CEACAM4: variants seen among roughly 807,000 people sequenced by gnomAD.
The protein encoded by CEACAM4 is cell adhesion molecule CEACAM4.
In CEACAM4, 30 loss-of-function variants were observed where a neutral mutation model predicts 28.7. The observed-to-expected ratio is 1.05, with a 90% confidence interval of 0.78 to 1.42. The LOEUF is 1.42. Among genes scored for constraint, CEACAM4 ranks in the 40% most tolerant of loss-of-function variants. CEACAM4 has a pLI of 0.00. For synonymous variants in CEACAM4, 143 were observed against 126.5 expected, an observed-to-expected ratio of 1.13 and a Z score of -0.87; for missense variants, 330 against 308.2, an observed-to-expected ratio of 1.07 and a Z score of -0.53.
intron 2 of CEACAM4, among the ~76,000 whole-genome samples, chr19:41,623,681 C>G (rs369609861): frequency 5.9e-5 from 9 of 152,052 alleles, no homozygotes; most frequent in Non-Finnish European, 1.0e-4. Flanking sequence ...TTCCCACCCC[C>G]CTCAGTCAGT....
chr19:41,620,460 C>T (rs117009446), intron 4 of CEACAM4, 115 bp downstream of exon 4: 33,662 of 961,526 alleles, frequency 0.035, 762 homozygotes, highest in Non-Finnish European at 0.041. Flanking sequence ...TGTTTCCTGA[C>T]ATCCTCCTTG....
chr19:41,615,175 T>C (rs10411697), downstream of CEACAM4, among the ~76,000 whole-genome samples: 593 of 152,100 alleles, frequency 3.9e-3, 7 homozygotes, highest in African/African-American at 0.014. Flanking sequence ...GTTATGTGTG[T>C]CTGTCCCAGT....
intron 2 of CEACAM4, among the ~76,000 whole-genome samples, chr19:41,623,419 A>ATTTTTTTTTTTTT (rs57004828): frequency 9.5e-6 from 1 of 105,058 alleles, no homozygotes; most frequent in Non-Finnish European, 2.0e-5. Context: ...TTCGAACTGC[A>ATTTTTTTTTTTTT]TTTTTTTTTT....
chr19:41,621,667 G>A lies in CEACAM4; in HGVS notation c.526C>T (p.Leu176Phe), dbSNP rs1555801572. ...LVAALVCFLLLSRTGRASIQR... is the reference protein window; with the variant it reads ...LVAALVCFLLFSRTGRASIQR... ...CTGCGGTACCTTCCAGTCCTGGAGA[G>A]AAGCAGAAAACACACCAGGGCGGCC... Residue 176 changes from leucine to phenylalanine, a missense_variant, in exon 3 of 7, where the codon CTC becomes TTC. Transcript: ENST00000221954. The A allele has an allele frequency of 6.2e-7, 1 of 1,601,852 alleles. No homozygotes were observed. The highest frequency in any genetic ancestry group is 8.6e-7 in the Non-Finnish European group (1 of 1,168,870).
intron 2 of CEACAM4, among the ~76,000 whole-genome samples, chr19:41,621,979 A>G (rs1181754425): frequency 1.3e-5 from 2 of 151,318 alleles, no homozygotes; most frequent in Non-Finnish European, 3.0e-5. Context: ...GGATGTACCA[A>G]CTCCTACATT....
chr19:41,614,232 TAC>T (rs1218649008), downstream of CEACAM4, among the ~76,000 whole-genome samples: 2 of 152,222 alleles, frequency 1.3e-5, no homozygotes, highest in Non-Finnish European at 2.9e-5. Context: ...CACACATCTC[TAC>T]CATGTGGAGT....
chr19:41,625,698 G>A lies in CEACAM4; in HGVS notation c.327C>T (p.Phe109=), dbSNP rs1555803608. ...CTGCGTCCTCCAGGGTGATGTTTTG[G>A]AACAGCAGGGATCCATTGGGGTATA... ...ETVYPNGSLL[F]QNITLEDAGS... is the part of the protein sequence containing the mutation. Residue 109 remains phenylalanine, a synonymous_variant, in exon 2 of 7, where the codon TTC becomes TTT. Transcript: ENST00000221954. 1 of 1,613,950 alleles carries A rather than the reference G, an allele frequency of 6.2e-7. No individual in the cohort carries two copies. The highest frequency in any genetic ancestry group is 8.5e-7 in the Non-Finnish European group (1 of 1,179,924).
At chr19:41,622,352 A>C (rs182060127) in intron 2 of CEACAM4, among the ~76,000 whole-genome samples, 13 of 152,316 alleles carry the variant, frequency 8.5e-5, no homozygotes, top group Admixed American at 7.2e-4. Context: ...TGCTGGGATT[A>C]CAGGCATGAG....
chr19:41,619,730 A>C lies in CEACAM4; in HGVS notation c.628-19T>G, dbSNP rs2071143137. On this transcript the variant is annotated intron_variant, in intron 5 of 6. Transcript: ENST00000221954. ...GAGGGGCCTGGGCAGGGGAGAGAGG[A>C]GATGTCAGGGGACAGGGAGGGAGGG... 1 of 1,551,718 alleles carries C rather than the reference A, an allele frequency of 6.4e-7. No individual in the cohort carries two copies. The highest frequency in any genetic ancestry group is 1.4e-5 in the African/African-American group (1 of 72,908).
chr19:41,617,275 A>G (rs1255857833), downstream of CEACAM4, among the ~76,000 whole-genome samples: 2 of 152,178 alleles, frequency 1.3e-5, no homozygotes, highest in Non-Finnish European at 2.9e-5. Context: ...GAGAGGTACT[A>G]GGGGCATGGA....
chr19:41,619,641 G>T, intron 6 of CEACAM4, 29 bp downstream of exon 6: 1 of 1,584,590 alleles, frequency 6.3e-7, no homozygotes, highest in Admixed American at 1.8e-5. Context: ...GGAGCCTGCG[G>T]GACCAGAACA....
Position 41,625,792 on chromosome 19 carries a change from A to T in CEACAM4, c.233T>A (p.Leu78His), listed in dbSNP as rs782797199. The change falls in exon 2 of 7, where the codon CTC (leucine) becomes CAC (histidine). Residue 78 changes from leucine (L) to histidine (H), a missense_variant. Physicochemically the swap from Leu to His is moderately conservative, Grantham distance 99 (BLOSUM62 -3). Transcript: ENST00000221954. ...HKGKTAEGSP[L>H]IAGYITDIQA... ...AATGTCTGTTATATAACCAGCAATGAGAGGGCTCCCTTCTGCCGTTTTCCC... is the reference window on the plus strand; with the variant it reads ...AATGTCTGTTATATAACCAGCAATGTGAGGGCTCCCTTCTGCCGTTTTCCC... 3 of 1,613,844 alleles carry T rather than the reference A, an allele frequency of 1.9e-6. No individual in the cohort carries two copies. The African/African-American group carries it at 4.0e-5, about 22-fold the overall frequency.
intron 2 of CEACAM4, 157 bp downstream of exon 2, chr19:41,625,444 A>G (rs1295128233): frequency 1.2e-6 from 1 of 851,238 alleles, no homozygotes; most frequent in African/African-American, 1.7e-5. Context: ...TGATCTGTTG[A>G]AGTTTACCTA....
In CEACAM4 at chr19:41,620,192, G is replaced by A. The variant is rs367650028; in HGVS notation, c.627+19C>T. On this transcript the variant is annotated intron_variant, in intron 5 of 6. Transcript: ENST00000221954. ...GTTGGGACCCCAGTAGAAAAGGGCTGGGGAGGGAACAGGCTTACCGAGAAG... is the reference window on the plus strand; with the variant it reads ...GTTGGGACCCCAGTAGAAAAGGGCTAGGGAGGGAACAGGCTTACCGAGAAG... 1.0e-4 allele frequency: 153 copies of A among 1,494,828 alleles called. 1 individual carries two copies. Among genetic ancestry groups the A allele is most frequent in the Admixed American group, 3.3e-4 (12 of 36,586 alleles). The allele number at this position is 1,494,828 out of a possible 1,614,324, so 92.6% of individuals were successfully genotyped here. A position where few individuals can be genotyped will look rare whatever the true frequency, so the allele number is the denominator to read the frequency against.
chr19:41,618,231 C>T (rs2071037441), downstream of CEACAM4, among the ~76,000 whole-genome samples: 1 of 152,144 alleles, frequency 6.6e-6, no homozygotes, highest in Non-Finnish European at 1.5e-5. Flanking sequence ...GTCCCATCGC[C>T]ATGGGAGCCT....
At chr19:41,617,188 C>T (rs1282181282), downstream of CEACAM4, among the ~76,000 whole-genome samples, 1 of 152,138 alleles carries the variant, frequency 6.6e-6, no homozygotes, top group Non-Finnish European at 1.5e-5. Flanking sequence ...TATTGAAGGG[C>T]CGGTGAGTTG....
At chr19:41,621,588 C>A in intron 3 of CEACAM4, 63 bp downstream of exon 3, 1 of 871,078 alleles carries the variant, frequency 1.1e-6, no homozygotes, top group Admixed American at 2.1e-5. Context: ...AGGGCGGGGT[C>A]TCCCTCCTCC....
intron 2 of CEACAM4, among the ~76,000 whole-genome samples, chr19:41,625,155 G>A (rs543279778): frequency 1.3e-5 from 2 of 152,298 alleles, no homozygotes; most frequent in African/African-American, 4.8e-5. Context: ...CAGACATCTG[G>A]TAAATCCTTG....
In CEACAM4 at chr19:41,619,663, C is replaced by T. The variant is rs2071134159; in HGVS notation, c.669+7G>A. The T allele has an allele frequency of 8.2e-6, 13 of 1,594,580 alleles. No homozygotes were observed. The highest frequency in any genetic ancestry group is 1.1e-5 in the South Asian group (1 of 87,722). ...GCGGGACCAGAACATCCATGGCCCA[C>T]ACTCACCTCATAGATGGGAGTGGCT... On this transcript the variant is annotated splice_region_variant and intron_variant, in intron 6 of 6. Coordinates refer to ENST00000221954, the MANE Select transcript of CEACAM4 (RefSeq NM_001817.4).
Sources: allele counts gnomAD v4.1 joint callset (sites outside exome capture counted in the v4.1 genomes callset), GRCh38; gene constraint gnomAD v4.1.1; transcripts MANE v1.5; gene names NCBI Gene and HGNC (gene_info 2026-07-23, HGNC 2026-07-21).